Variants in SAMD5 observed in about 807,000 individuals in gnomAD.
SAMD5 encodes sterile alpha motif domain containing 5.
In SAMD5, 13 loss-of-function variants were observed where a neutral mutation model predicts 11.3. The observed-to-expected ratio is 1.15, with a 90% CI of 0.75 to 1.83. The LOEUF (loss-of-function observed/expected upper bound fraction) is 1.83. Among genes scored for constraint, SAMD5 ranks in the 40% most tolerant of loss-of-function variants. The probability of loss-of-function intolerance (pLI) is 0.00; values close to 1 mark genes in which losing one functional copy is unlikely to be tolerated. For missense variants in SAMD5, 255 were observed against 239.1 expected, an observed-to-expected ratio of 1.07 and a Z score of -0.44; for synonymous variants, 129 against 111.3, an observed-to-expected ratio of 1.16 and a Z score of -1.00.
At position 147,732,058 on chromosome 6, in the gene SAMD5, C is replaced by A. The variant is rs150164373; in HGVS notation, c.163-5259C>A. On this transcript the variant is annotated intron_variant, in intron 1 of 1. Transcript: ENST00000566741. ...GGAGTTTTCAATGAAAATGCAAAATCATAAAATATTACTATTAAATGGAGG... is the reference window on the plus strand; with the variant it reads ...GGAGTTTTCAATGAAAATGCAAAATAATAAAATATTACTATTAAATGGAGG... Among the ~76,000 whole-genome samples, 753 of 152,136 alleles carry A rather than the reference C, an allele frequency of 4.9e-3. 10 individuals carry two copies. The highest frequency in any genetic ancestry group is 0.017 in the African/African-American group (710 of 41,508).
chr6:147,522,366 A>G (rs1287528045), intron 1 of SAMD5, among the ~76,000 whole-genome samples: 1 of 152,218 alleles, frequency 6.6e-6, no homozygotes, highest in Non-Finnish European at 1.5e-5. Flanking sequence ...CATTAAGGAA[A>G]ACATCCTTCT....
chr6:147,873,929 G>A, the SAMD5 span, among the ~76,000 whole-genome samples: 1 of 152,056 alleles, frequency 6.6e-6, no homozygotes, highest in Non-Finnish European at 1.5e-5. Context: ...CAAATTAGCA[G>A]CAAACTTATA....
the SAMD5 span, among the ~76,000 whole-genome samples, chr6:147,892,810 C>A: frequency 0.019 from 2,939 of 152,246 alleles, 39 homozygotes; most frequent in Middle Eastern, 0.048. Flanking sequence ...TGCCCAGAAT[C>A]TATTGCCACA....
chr6:147,527,847 T>C (rs575105803), intron 1 of SAMD5, among the ~76,000 whole-genome samples: 1 of 152,300 alleles, frequency 6.6e-6, no homozygotes, highest in Non-Finnish European at 1.5e-5. Context: ...AGAGGTTTAA[T>C]TGGCTCACAG....
the SAMD5 span, among the ~76,000 whole-genome samples, chr6:147,786,607 CAG>C: frequency 6.6e-6 from 1 of 152,178 alleles, no homozygotes; most frequent in African/African-American, 2.4e-5. Flanking sequence ...ACTTAAAGGA[CAG>C]GGGCTGATGT....
Position 147,568,862 on chromosome 6 carries a change from A to G in SAMD5, c.*4406A>G, listed in dbSNP as rs1789085483. 2 of 954,610 alleles carry G rather than the reference A, an allele frequency of 2.1e-6. No homozygotes were observed. Among genetic ancestry groups the G allele is most frequent in the South Asian group, 4.8e-5 (1 of 20,648 alleles). The allele number at this position is 954,610 out of a possible 1,614,324, so 59.1% of individuals were successfully genotyped here. A position where few individuals can be genotyped will look rare whatever the true frequency, so the allele number is the denominator to read the frequency against. On this transcript the variant is annotated 3_prime_UTR_variant, in exon 2 of 2. Transcript: ENST00000367474. The stretch of plus-strand genomic sequence containing the variant: ...ATAAAATCAAATAACTTTCTAGTCC[A>G]TGATCATTAATCCCTACTATTTTAG...
intron 1 of SAMD5, among the ~76,000 whole-genome samples, chr6:147,577,877 A>G (rs995787200): frequency 6.6e-5 from 10 of 152,132 alleles, no homozygotes; most frequent in Non-Finnish European, 1.5e-5. Flanking sequence ...AGTGTATAGT[A>G]TTTCCACATC....
the SAMD5 span, among the ~76,000 whole-genome samples, chr6:147,867,939 A>G: frequency 6.6e-6 from 1 of 152,238 alleles, no homozygotes; most frequent in Non-Finnish European, 1.5e-5. Flanking sequence ...GCCTAGAATA[A>G]GAATGTTTTA....
At chr6:147,648,643 C>G (rs1790439173) in intron 1 of SAMD5, among the ~76,000 whole-genome samples, 1 of 152,194 alleles carries the variant, frequency 6.6e-6, no homozygotes, top group Non-Finnish European at 1.5e-5. Context: ...ACAGTAGTCT[C>G]AACTTTGGAT....
intron 1 of SAMD5, among the ~76,000 whole-genome samples, chr6:147,692,938 G>A (rs1378516950): frequency 6.6e-6 from 1 of 152,180 alleles, no homozygotes; most frequent in Non-Finnish European, 1.5e-5. Context: ...GAAAATCATC[G>A]TATTGGGGAG....
chr6:147,830,251 C>CTTTTTTTTTTTTTTTTTTTTTT, the SAMD5 span, among the ~76,000 whole-genome samples: 142 of 84,924 alleles, frequency 1.7e-3, no homozygotes, highest in Non-Finnish European at 2.4e-3. Flanking sequence ...TTCTTTCTTT[C>CTTTTTTTTTTTTTTTTTTTTTT]TTTTTTTTTT....
rs1201883307 is a variant in SAMD5 at position 147,567,148 on chromosome 6, A to T, written c.*2692A>T. 23 of 984,558 alleles carry T rather than the reference A, an allele frequency of 2.3e-5. No homozygotes were observed. Among genetic ancestry groups the T allele is most frequent in the Non-Finnish European group, 2.8e-5 (23 of 829,236 alleles). 61.0% of individuals were successfully genotyped at this position (984,558 alleles called of 1,614,324 possible). ...TTAAAATTTAGGGAGGTAAAAAAAG[A>T]TTTTATTCACATAAAAGATTTCTTG... On this transcript the variant is annotated 3_prime_UTR_variant, in exon 2 of 2. Transcript: ENST00000367474.
At chr6:147,909,633 TCTTTC>T in the SAMD5 span, among the ~76,000 whole-genome samples, 4 of 31,218 alleles carry the variant, frequency 1.3e-4, no homozygotes, top group South Asian at 1.3e-3. Flanking sequence ...TCTTTCTTTC[TCTTTC>T]TTGTCTTTTG....
At chr6:147,783,678 T>A in the SAMD5 span, among the ~76,000 whole-genome samples, 2 of 152,142 alleles carry the variant, frequency 1.3e-5, no homozygotes, top group Non-Finnish European at 2.9e-5. Flanking sequence ...GGACTACAGA[T>A]GTGAGCCACC....
intron 1 of SAMD5, among the ~76,000 whole-genome samples, chr6:147,707,583 T>C (rs1298353211): frequency 2.6e-5 from 4 of 152,204 alleles, no homozygotes; most frequent in Non-Finnish European, 5.9e-5. Flanking sequence ...TTGTGTTTAA[T>C]GTAAAATTTT....
At chr6:147,533,300 C>T (rs1788457404) in intron 1 of SAMD5, among the ~76,000 whole-genome samples, 1 of 151,608 alleles carries the variant, frequency 6.6e-6, no homozygotes, top group African/African-American at 2.4e-5. Context: ...GCAGAGAGAG[C>T]ATTTAAGAAA....
At chr6:147,801,557 G>A in the SAMD5 span, among the ~76,000 whole-genome samples, 1 of 152,198 alleles carries the variant, frequency 6.6e-6, no homozygotes. Context: ...GGACAAGACA[G>A]TGGCCAGTGT....
At chr6:147,804,690 A>G in the SAMD5 span, among the ~76,000 whole-genome samples, 2 of 152,244 alleles carry the variant, frequency 1.3e-5, no homozygotes, top group African/African-American at 4.8e-5. Context: ...AGGGAGGGGT[A>G]GTATCTCGTT....
chr6:147,669,729 C>G (rs1790771680), intron 1 of SAMD5, among the ~76,000 whole-genome samples: 1 of 152,130 alleles, frequency 6.6e-6, no homozygotes, highest in African/African-American at 2.4e-5. Flanking sequence ...CCACACCCAG[C>G]CTAGCTCCAC....
Sources: allele counts gnomAD v4.1 joint callset (sites outside exome capture counted in the v4.1 genomes callset), GRCh38; gene constraint gnomAD v4.1.1; transcripts MANE v1.5; gene names NCBI Gene and HGNC (gene_info 2026-07-23, HGNC 2026-07-21).